MYO16: variants seen among roughly 807,000 people sequenced by gnomAD.
MYO16 encodes the protein myosin XVI.
MYO16 carries 94 observed loss-of-function variants against 205.3 expected under a neutral mutation model. The observed-to-expected ratio is 0.46, with a 90% CI of 0.39 to 0.54. The LOEUF (loss-of-function observed/expected upper bound fraction) is 0.54. MYO16 is among the 20% of genes least tolerant of loss of function. The pLI is 0.00. For synonymous variants in MYO16, 988 were observed against 954.0 expected (o/e 1.04, Z -0.66); for missense variants, 2,315 against 2,387.5 (o/e 0.97, Z 0.63).
chr13:109,021,453 C>T (rs527370949), intron 23 of MYO16, among the ~76,000 whole-genome samples: 121 of 152,230 alleles, frequency 7.9e-4, no homozygotes, highest in Non-Finnish European at 1.2e-3. Context: ...ATCATCTTCA[C>T]GGAGGCTCAC....
chr13:108,539,838 C>G, the MYO16 span, among the ~76,000 whole-genome samples: 2 of 152,004 alleles, frequency 1.3e-5, no homozygotes, highest in African/African-American at 4.8e-5. Flanking sequence ...TTCATTTTGT[C>G]TTTGTTACTG....
chr13:108,714,353 C>T (rs1332335992), intron 3 of MYO16, among the ~76,000 whole-genome samples: 1 of 152,202 alleles, frequency 6.6e-6, no homozygotes, highest in Non-Finnish European at 1.5e-5. Flanking sequence ...CCGTGCCCGC[C>T]CATAAGCCTG....
At chr13:108,729,608 C>T (rs907821028) in intron 4 of MYO16, among the ~76,000 whole-genome samples, 1 of 152,066 alleles carries the variant, frequency 6.6e-6, no homozygotes, top group African/African-American at 2.4e-5. Context: ...GAAGCTCTTT[C>T]TTCCTGCATG....
chr13:108,783,230 A>G (rs1481926690), intron 4 of MYO16, among the ~76,000 whole-genome samples: 1 of 152,176 alleles, frequency 6.6e-6, no homozygotes, highest in African/African-American at 2.4e-5. Context: ...TTAGATCAGC[A>G]TGACCTGGAT....
chr13:108,889,415 G>A (rs939943789), intron 14 of MYO16, among the ~76,000 whole-genome samples: 1 of 152,154 alleles, frequency 6.6e-6, no homozygotes, highest in Non-Finnish European at 1.5e-5. Flanking sequence ...GCCACCACAG[G>A]TGCTTATCCA....
At chr13:108,599,759 T>G (rs1878696298) in intron 1 of MYO16, among the ~76,000 whole-genome samples, 1 of 152,186 alleles carries the variant, frequency 6.6e-6, no homozygotes, top group Admixed American at 6.5e-5. Context: ...CCTCCACCAA[T>G]TACTATAATT....
chr13:108,575,010 G>T, the MYO16 span, among the ~76,000 whole-genome samples: 4 of 152,066 alleles, frequency 2.6e-5, no homozygotes, highest in African/African-American at 9.7e-5. Flanking sequence ...TCTAGTATAA[G>T]GTGTACTCAC....
At chr13:108,765,195 A>G (rs7981133) in intron 4 of MYO16, among the ~76,000 whole-genome samples, 84,965 of 151,880 alleles carry the variant, frequency 0.56, 24,703 homozygotes, top group East Asian at 0.87. Context: ...ACTTCTCCAG[A>G]CCTTAAGATT....
At chr13:109,076,015 G>A (rs899876580) in intron 27 of MYO16, among the ~76,000 whole-genome samples, 1 of 152,168 alleles carries the variant, frequency 6.6e-6, no homozygotes, top group African/African-American at 2.4e-5. Context: ...TGTAGTTTCT[G>A]AGGAATTGGT....
intron 2 of MYO16, among the ~76,000 whole-genome samples, chr13:108,682,028 G>A (rs1260429550): frequency 6.6e-6 from 1 of 152,162 alleles, no homozygotes; most frequent in Non-Finnish European, 1.5e-5. Context: ...ATCAGAAACT[G>A]GAGGGTGGGG....
Position 108,794,129 on chromosome 13 carries a change from G to T in MYO16, c.741+489G>T, listed in dbSNP as rs138350496. On this transcript the variant is annotated intron_variant, in intron 6 of 34. Transcript: ENST00000457511. ...CTCATAAGTGGGAGCTAAACACTGA[G>T]TCCACATGGACACAAAGAAGGAGAC... Among the ~76,000 whole-genome samples, 15 of 152,314 alleles carry T rather than the reference G, an allele frequency of 9.8e-5. No homozygotes were observed. The East Asian group carries it at 2.9e-3, about 29-fold the overall frequency.
chr13:108,806,542 T>G, intron 6 of MYO16, 137 bp from the exon 7 acceptor site: 2 of 587,592 alleles, frequency 3.4e-6, no homozygotes, highest in Non-Finnish European at 5.7e-6. Flanking sequence ...TAAAATTGCA[T>G]GTATGTTCTT....
chr13:108,604,925 G>C (rs551692566), intron 1 of MYO16, among the ~76,000 whole-genome samples: 2 of 152,140 alleles, frequency 1.3e-5, no homozygotes, highest in Non-Finnish European at 1.5e-5. Context: ...ATGGATTGGT[G>C]GTTGTCTAGC....
chr13:108,704,621 C>T (rs1239864527), intron 2 of MYO16, among the ~76,000 whole-genome samples: 2 of 152,090 alleles, frequency 1.3e-5, no homozygotes, highest in Non-Finnish European at 2.9e-5. Flanking sequence ...GTAGCCTCCC[C>T]TGTTATTAAT....
chr13:108,797,581 G>T (rs1475296434), intron 6 of MYO16, among the ~76,000 whole-genome samples: 1 of 152,210 alleles, frequency 6.6e-6, no homozygotes, highest in African/African-American at 2.4e-5. Context: ...AATGGGAATT[G>T]TGAATTGGTT....
chr13:108,510,085 T>G, the MYO16 span, among the ~76,000 whole-genome samples: 4 of 152,162 alleles, frequency 2.6e-5, no homozygotes, highest in Middle Eastern at 3.2e-3. Context: ...AGGATAGTCA[T>G]GATAGTTAAT....
intron 10 of MYO16, among the ~76,000 whole-genome samples, chr13:108,847,802 C>T (rs76502077): frequency 6.6e-6 from 1 of 152,228 alleles, no homozygotes; most frequent in East Asian, 1.9e-4. Context: ...CCCTTTCCCT[C>T]CTGGTTTCCT....
intron 33 of MYO16, among the ~76,000 whole-genome samples, chr13:109,173,417 C>T (rs1006631690): frequency 2.0e-5 from 3 of 152,124 alleles, no homozygotes; most frequent in Non-Finnish European, 4.4e-5. Context: ...AAGGATGCTT[C>T]ATAGAGAAGG....
chr13:108,805,058 A>T (rs1887072929), intron 6 of MYO16, among the ~76,000 whole-genome samples: 1 of 152,232 alleles, frequency 6.6e-6, no homozygotes, highest in Non-Finnish European at 1.5e-5. Flanking sequence ...ATCTTCTGAG[A>T]TTCAGATTAT....
Sources: gnomAD v4.1 joint callset for allele counts (sites outside exome capture counted in the v4.1 genomes callset) on GRCh38, gnomAD v4.1.1 for gene constraint, MANE v1.5 for transcripts, NCBI Gene and HGNC (gene_info 2026-07-23, HGNC 2026-07-21) for gene names.